Variants in RNF111 observed in about 807,000 individuals in gnomAD.
RNF111 encodes the protein ring finger protein 111, also known as E3 ubiquitin-protein ligase Arkadia.
Under a neutral mutation model 95.1 loss-of-function variants are expected in RNF111, and 17 were observed. The ratio of observed to expected loss-of-function variants is 0.18; its 90% CI spans 0.12 to 0.27. RNF111 has a LOEUF of 0.27. Ranked by LOEUF, RNF111 falls within the 10% of genes least tolerant of loss-of-function variation. The pLI, the probability that RNF111 is intolerant of heterozygous loss-of-function variation, is 1.00. For missense variants in RNF111, 1,189 were observed against 1,210.4 expected, an observed-to-expected ratio of 0.98 and a Z score of 0.26; for synonymous variants, 440 against 414.8, an observed-to-expected ratio of 1.06 and a Z score of -0.74.
At chr15:59,016,532 T>C (rs1360170552) in intron 1 of RNF111, among the ~76,000 whole-genome samples, 1 of 152,202 alleles carries the variant, frequency 6.6e-6, no homozygotes, top group Non-Finnish European at 1.5e-5. Flanking sequence ...TATAAAGTAG[T>C]TATTCTGTAA....
intron 1 of RNF111, among the ~76,000 whole-genome samples, chr15:59,016,710 G>A (rs1259048045): frequency 6.6e-6 from 1 of 152,142 alleles, no homozygotes; most frequent in Non-Finnish European, 1.5e-5. Flanking sequence ...CTGTATAGCA[G>A]GGTTCCCCAA....
At position 59,094,999 on chromosome 15, in the gene RNF111, C is replaced by T. The variant is rs906836581; in HGVS notation, c.*99C>T. 1.3e-6 allele frequency: 1 copy of T among 784,436 alleles called. No individual in the cohort carries two copies. Among genetic ancestry groups the T allele is most frequent in the Non-Finnish European group, 2.3e-6 (1 of 437,606 alleles). 48.6% of individuals were successfully genotyped at this position (784,436 alleles called of 1,614,324 possible). ...TGACTTACCTGCGCAGATTTGGAAG[C>T]ATTGAACTTAGAGTGCTGGCTCTGC... On this transcript the variant is annotated 3_prime_UTR_variant, in exon 14 of 14. Coordinates refer to ENST00000348370, the MANE Select transcript of RNF111 (RefSeq NM_017610.8).
intron 6 of RNF111, among the ~76,000 whole-genome samples, chr15:59,070,296 G>T (rs1383562797): frequency 6.6e-6 from 1 of 151,940 alleles, no homozygotes; most frequent in Non-Finnish European, 1.5e-5. Flanking sequence ...AACTGGAATT[G>T]TGAAGAAGAG....
intron 5 of RNF111, among the ~76,000 whole-genome samples, chr15:59,062,810 C>A (rs2042498524): frequency 3.9e-5 from 6 of 152,262 alleles, no homozygotes; most frequent in Middle Eastern, 6.8e-3. Flanking sequence ...CCCTTTATGC[C>A]AAGATTTCTC....
At chr15:59,070,840 G>C (rs1346549372) in intron 6 of RNF111, among the ~76,000 whole-genome samples, 1 of 152,076 alleles carries the variant, frequency 6.6e-6, no homozygotes, top group Non-Finnish European at 1.5e-5. Flanking sequence ...TTGAGCCTTT[G>C]ACAAATGCAT....
intron 2 of RNF111, among the ~76,000 whole-genome samples, chr15:59,048,738 CT>C (rs1372428304): frequency 6.6e-6 from 1 of 152,058 alleles, no homozygotes; most frequent in African/African-American, 2.4e-5. Flanking sequence ...TGGAGGGTTA[CT>C]TTTTTAAAAA....
chr15:59,033,708 C>T (rs2041026102), intron 2 of RNF111, among the ~76,000 whole-genome samples: 1 of 152,114 alleles, frequency 6.6e-6, no homozygotes, highest in East Asian at 1.9e-4. Flanking sequence ...TTCATATAGC[C>T]TCAAGTATTA....
At chr15:59,037,327 A>G (rs1363428144) in intron 2 of RNF111, among the ~76,000 whole-genome samples, 1 of 152,166 alleles carries the variant, frequency 6.6e-6, no homozygotes, top group Non-Finnish European at 1.5e-5. Context: ...TAATTTATAC[A>G]TTCTGTTTTG....
chr15:59,030,098 T>G (rs1389571202), intron 1 of RNF111, among the ~76,000 whole-genome samples: 2 of 152,236 alleles, frequency 1.3e-5, no homozygotes, highest in African/African-American at 4.8e-5. Flanking sequence ...ATGATTTAGA[T>G]AGATTAGCTG....
At chr15:59,069,854 T>TA (rs2042830920) in intron 6 of RNF111, among the ~76,000 whole-genome samples, 1 of 152,020 alleles carries the variant, frequency 6.6e-6, no homozygotes, top group African/African-American at 2.4e-5. Context: ...ATTTTGTAGA[T>TA]ATCTTATGTT....
At chr15:59,000,478 G>A (rs1212853668) in intron 1 of RNF111, among the ~76,000 whole-genome samples, 1 of 152,022 alleles carries the variant, frequency 6.6e-6, no homozygotes, top group African/African-American at 2.4e-5. Flanking sequence ...TTGGGAGGCC[G>A]AGGCAGGCGG....
In RNF111 at chr15:59,031,089, CGTT is replaced by C. The variant is rs755260805; in HGVS notation, c.270_272del (p.Val91del). ...ACCAGCAAGAACAAGAAAAAAGTCT[CGTT>C]GTGAGGAAAAAACGCAAAAGCCAGC... is the stretch of plus-strand genomic sequence containing the variant. On this transcript the variant is annotated inframe_deletion, in exon 2 of 14. Transcript: ENST00000348370. 9.3e-6 allele frequency: 15 copies of C among 1,614,054 alleles called. No individual in the cohort carries two copies. Among genetic ancestry groups the C allele is most frequent in the Middle Eastern group, 1.6e-4 (1 of 6,084 alleles).
intron 1 of RNF111, among the ~76,000 whole-genome samples, chr15:59,007,459 T>A (rs551285272): frequency 6.6e-6 from 1 of 152,364 alleles, no homozygotes; most frequent in African/African-American, 2.4e-5. Context: ...ATAACATAAT[T>A]TATCCATTCA....
chr15:59,033,857 G>A (rs1195103151), intron 2 of RNF111, among the ~76,000 whole-genome samples: 1 of 151,876 alleles, frequency 6.6e-6, no homozygotes, highest in Non-Finnish European at 1.5e-5. Flanking sequence ...TCAAACATGA[G>A]AAACAGAAAT....
intron 3 of RNF111, 81 bp downstream of exon 3, chr15:59,052,512 CT>C (rs1400964016): frequency 9.6e-6 from 9 of 938,310 alleles, no homozygotes; most frequent in Non-Finnish European, 1.2e-5. Context: ...TATTTGCATT[CT>C]TTTTATTTAT....
intron 2 of RNF111, among the ~76,000 whole-genome samples, chr15:59,042,036 T>A (rs187225933): frequency 7.1e-4 from 108 of 151,946 alleles, no homozygotes; most frequent in African/African-American, 2.4e-3. Context: ...TTAGAAGCTT[T>A]TTATATATTA....
chr15:59,022,519 A>T (rs770368125), intron 1 of RNF111, among the ~76,000 whole-genome samples: 1 of 152,216 alleles, frequency 6.6e-6, no homozygotes, highest in Non-Finnish European at 1.5e-5. Flanking sequence ...ATGAGCAGTA[A>T]TATCCAGACC....
At chr15:59,022,137 A>G (rs1029089766) in intron 1 of RNF111, among the ~76,000 whole-genome samples, 1 of 152,032 alleles carries the variant, frequency 6.6e-6, no homozygotes, top group African/African-American at 2.4e-5. Flanking sequence ...TGGGATTACA[A>G]GCATGAGCCA....
intron 5 of RNF111, among the ~76,000 whole-genome samples, chr15:59,059,090 CA>C (rs2142015658): frequency 6.6e-6 from 1 of 151,862 alleles, no homozygotes; most frequent in South Asian, 2.1e-4. Flanking sequence ...CCAGCCTGGG[CA>C]ACATGGTGAA....
Sources: allele counts gnomAD v4.1 joint callset (sites outside exome capture counted in the v4.1 genomes callset), GRCh38; gene constraint gnomAD v4.1.1; transcripts MANE v1.5; gene names NCBI Gene and HGNC (gene_info 2026-07-23, HGNC 2026-07-21).